The following ATN1 variants were observed in gnomAD, a reference collection of about 807,000 sequenced individuals.
ATN1 encodes atrophin 1.
ATN1 carries 19 observed loss-of-function variants against 85.8 expected under a neutral mutation model. The ratio of observed to expected loss-of-function variants is 0.22; its 90% CI spans 0.15 to 0.32. The LOEUF is 0.32. Ranked by LOEUF, ATN1 falls within the 10% of genes least tolerant of loss-of-function variation. ATN1 has a pLI of 1.00. For missense variants in ATN1, 1,453 were observed against 1,564.5 expected, an observed-to-expected ratio of 0.93 and a Z score of 1.20; for synonymous variants, 674 against 657.0, an observed-to-expected ratio of 1.03 and a Z score of -0.39.
At chr12:6,932,588 T>C (rs782341020) in intron 1 of ATN1, among the ~76,000 whole-genome samples, 5 of 152,252 alleles carry the variant, frequency 3.3e-5, no homozygotes, top group African/African-American at 1.2e-4. Flanking sequence ...TACGGATGGA[T>C]TGGCTGTGAG....
Position 6,936,728 on chromosome 12 carries a change from A to ACAGCAGCAACAGCAGCAGCAG in ATN1, c.1469_1470insACAGCAGCAGCAGCAGCAGCA (p.Gln496_Gln502dup), listed in dbSNP as rs782630098. ...ATCACCATCACCACCAGCAACAGCAACAGCAGCAGCAGCAGCAGCAGCAGC... is the reference window on the plus strand; with the variant it reads ...ATCACCATCACCACCAGCAACAGCAACAGCAGCAACAGCAGCAGCAGCAGCAGCAGCAGCAGCAGCAGCAGC... On this transcript the variant is annotated inframe_insertion, in exon 5 of 10. Transcript: ENST00000396684. 1 of 1,520,678 alleles carries ACAGCAGCAACAGCAGCAGCAG rather than the reference A, an allele frequency of 6.6e-7. No homozygotes were observed. Among genetic ancestry groups the ACAGCAGCAACAGCAGCAGCAG allele is most frequent in the African/African-American group, 1.5e-5 (1 of 68,860 alleles). 94.2% of individuals were successfully genotyped at this position (1,520,678 alleles called of 1,614,324 possible). A position where few individuals can be genotyped will look rare whatever the true frequency, so the allele number is the denominator to read the frequency against.
At chr12:6,929,770 C>T (rs1321106380) in intron 1 of ATN1, among the ~76,000 whole-genome samples, 1 of 152,226 alleles carries the variant, frequency 6.6e-6, no homozygotes, top group African/African-American at 2.4e-5. Flanking sequence ...GATGAAAACG[C>T]TTCTGTTCAG....
intron 1 of ATN1, among the ~76,000 whole-genome samples, chr12:6,931,374 T>C (rs1356382597): frequency 1.2e-5 from 1 of 85,460 alleles, no homozygotes; most frequent in South Asian, 3.9e-4. Flanking sequence ...CCAGTCTACA[T>C]AACAACTAAA....
chr12:6,937,274 C>A lies in ATN1; in HGVS notation c.2007C>A (p.Thr669=). ...PGSPPSFRTG[T]PPGYRGTSPP... Reference sequence around the variant, plus strand: ...CGCCTCCCTCCTTCCGAACGGGGACCCCACCGGGCTATCGAGGAACCTCGC... The same window carrying A: ...CGCCTCCCTCCTTCCGAACGGGGACACCACCGGGCTATCGAGGAACCTCGC... The change falls in exon 5 of 10, where the codon ACC becomes ACA. Residue 669 remains threonine (T), a synonymous_variant. Coordinates refer to ENST00000396684, the MANE Select transcript of ATN1 (RefSeq NM_001940.4). The surrounding 1 kb of genome is among the most constrained non-coding windows in gnomAD (Gnocchi z 6.0). The A allele has an allele frequency of 6.2e-7, 1 of 1,608,376 alleles. No individual in the cohort carries two copies. Among genetic ancestry groups the A allele is most frequent in the Non-Finnish European group, 8.5e-7 (1 of 1,178,282 alleles).
At position 6,937,355 on chromosome 12, in the gene ATN1, C is replaced by T. The variant is rs1555143955; in HGVS notation, c.2088C>T (p.Pro696=). 3.9e-6 allele frequency: 6 copies of T among 1,552,286 alleles called. No individual in the cohort carries two copies. The South Asian group carries it at 7.0e-5, about 18-fold the overall frequency. ...GCTCGCCCACCGTGGGACCTGGGCCCCTGCCACCTGCGGGGCCCTCAGGCC... is the reference window on the plus strand; with the variant it reads ...GCTCGCCCACCGTGGGACCTGGGCCTCTGCCACCTGCGGGGCCCTCAGGCC... ...KPGSPTVGPG[P]LPPAGPSGLP... is the part of the protein sequence containing the mutation. Residue 696 remains proline, a synonymous_variant, in exon 5 of 10, where the codon CCC becomes CCT. Transcript: ENST00000396684. The surrounding 1 kb of genome is among the most constrained non-coding windows in gnomAD (Gnocchi z 6.0).
In ATN1 at chr12:6,936,871, C is replaced by T. The variant is rs1555143826; in HGVS notation, c.1604C>T (p.Ser535Phe). 2 of 1,614,090 alleles carry T rather than the reference C, an allele frequency of 1.2e-6. No homozygotes were observed. Among genetic ancestry groups the T allele is most frequent in the African/African-American group, 1.3e-5 (1 of 75,006 alleles). Reference sequence around the variant, plus strand: ...GCACACCCTTACGCCATGTCTCCCTCCCTGGGGTCTCTGAGGCCCTACCCA... The same window carrying T: ...GCACACCCTTACGCCATGTCTCCCTTCCTGGGGTCTCTGAGGCCCTACCCA... ...HHAHPYAMSP[S>F]LGSLRPYPPG... The change falls in exon 5 of 10, where the codon TCC becomes TTC. Residue 535 changes from serine (S) to phenylalanine (F), a missense_variant. Coordinates refer to ENST00000396684, the MANE Select transcript of ATN1 (RefSeq NM_001940.4).
Position 6,934,670 on chromosome 12 carries a change from G to A in ATN1, c.279+92G>A, listed in dbSNP as rs997330942. ...CACTATTCTTAGCTGGATCTCTCCT[G>A]GGACATAAGAGAAAGGCCAGATCAT... On this transcript the variant is annotated intron_variant, in intron 4 of 9. Coordinates refer to ENST00000396684, the MANE Select transcript of ATN1 (RefSeq NM_001940.4). This position sits in a 1 kb window ranked among gnomAD's most constrained non-coding sequence, Gnocchi z 4.5. The A allele has an allele frequency of 3.1e-6, 3 of 961,544 alleles. No homozygotes were observed. In the Admixed American group the frequency reaches 6.3e-5, roughly 20 times the overall value. 59.6% of individuals were successfully genotyped at this position (961,544 alleles called of 1,614,324 possible).
In ATN1 at chr12:6,941,871, A is replaced by G; in HGVS notation, c.*91A>G. Reference sequence around the variant, plus strand: ...ACCGTGCCCTTGGCCTGCCACCCAGAGCCAAGAGGGTGCTGCTCAGTTGCA... The same window carrying G: ...ACCGTGCCCTTGGCCTGCCACCCAGGGCCAAGAGGGTGCTGCTCAGTTGCA... On this transcript the variant is annotated 3_prime_UTR_variant, in exon 10 of 10. Coordinates refer to ENST00000396684, the MANE Select transcript of ATN1 (RefSeq NM_001940.4). This position sits in a 1 kb window ranked among gnomAD's most constrained non-coding sequence, Gnocchi z 5.9. The G allele has an allele frequency of 1.5e-6, 2 of 1,333,516 alleles. No homozygotes were observed. The highest frequency in any genetic ancestry group is 2.2e-6 in the Non-Finnish European group (2 of 927,796). The allele number at this position is 1,333,516 out of a possible 1,614,324, so 82.6% of individuals were successfully genotyped here.
Position 6,936,896 on chromosome 12 carries a change from A to G in ATN1, c.1629A>G (p.Pro543=). 1 of 1,613,632 alleles carries G rather than the reference A, an allele frequency of 6.2e-7. No individual in the cohort carries two copies. Among genetic ancestry groups the G allele is most frequent in the South Asian group, 1.1e-5 (1 of 91,052 alleles). Reference sequence around the variant, plus strand: ...CCCTGGGGTCTCTGAGGCCCTACCCACCAGGGCCAGCACACCTGCCCCCAC... The same window carrying G: ...CCCTGGGGTCTCTGAGGCCCTACCCGCCAGGGCCAGCACACCTGCCCCCAC... ...SPSLGSLRPY[P]PGPAHLPPPH... Residue 543 remains proline, a synonymous_variant, in exon 5 of 10, where the codon CCA becomes CCG. Coordinates refer to ENST00000396684, the MANE Select transcript of ATN1 (RefSeq NM_001940.4).
In ATN1 at chr12:6,937,523, G is replaced by C. The variant is rs781952951; in HGVS notation, c.2256G>C (p.Lys752Asn). 6.5e-7 allele frequency: 1 copy of C among 1,534,700 alleles called. No individual in the cohort carries two copies. ...PPARSPSPPP[K>N]VVDVPSHASQ... The stretch of plus-strand genomic sequence containing the variant: ...CCCGCAGCCCCTCGCCCCCTCCCAA[G>C]GTGGTAGATGTACCCAGCCATGCCA... The change falls in exon 5 of 10, where the codon AAG (lysine) becomes AAC (asparagine). Residue 752 changes from lysine to asparagine, a missense_variant. Lys to Asn is a moderately conservative substitution (Grantham distance 94). Coordinates refer to ENST00000396684, the MANE Select transcript of ATN1 (RefSeq NM_001940.4). This position sits in a 1 kb window ranked among gnomAD's most constrained non-coding sequence, Gnocchi z 6.0.
Position 6,937,590 on chromosome 12 carries a change from C to G in ATN1, c.2294+29C>G. 6.8e-7 allele frequency: 1 copy of G among 1,467,934 alleles called. No homozygotes were observed. Among genetic ancestry groups the G allele is most frequent in the Non-Finnish European group, 9.0e-7 (1 of 1,111,136 alleles). The allele number at this position is 1,467,934 out of a possible 1,614,324, so 90.9% of individuals were successfully genotyped here. On this transcript the variant is annotated intron_variant, in intron 5 of 9. Coordinates refer to ENST00000396684, the MANE Select transcript of ATN1 (RefSeq NM_001940.4). The surrounding 1 kb of genome is among the most constrained non-coding windows in gnomAD (Gnocchi z 6.0). ...AGCGGCCAGGTGGGGCGGAGGTGGG[C>G]CTGGAAAGGGGACGACGACAAGGCG...
At chr12:6,929,827 T>A (rs782017345) in intron 1 of ATN1, among the ~76,000 whole-genome samples, 2 of 152,252 alleles carry the variant, frequency 1.3e-5, no homozygotes, top group South Asian at 2.1e-4. Context: ...CCTCCCTTAT[T>A]ATGTTATTTT....
intron 1 of ATN1, among the ~76,000 whole-genome samples, chr12:6,931,511 C>T (rs920908981): frequency 7.4e-5 from 11 of 148,678 alleles, no homozygotes; most frequent in East Asian, 2.0e-4. Flanking sequence ...GTCAGGAGTT[C>T]GAGACCAGCC....
chr12:6,941,124 G>C lies in ATN1; in HGVS notation c.3358+101G>C, dbSNP rs1945629148. On this transcript the variant is annotated intron_variant, in intron 8 of 9. Transcript: ENST00000396684. The surrounding 1 kb of genome is among the most constrained non-coding windows in gnomAD (Gnocchi z 5.9). Reference sequence around the variant, plus strand: ...CTAGTTGGGCTTGGGGAGGGATGAGGAGGTGCCTAGAGGAGCTGGGCATGG... The same window carrying C: ...CTAGTTGGGCTTGGGGAGGGATGAGCAGGTGCCTAGAGGAGCTGGGCATGG... The C allele has an allele frequency of 1.4e-6, 2 of 1,425,118 alleles. No homozygotes were observed. Among genetic ancestry groups the C allele is most frequent in the Non-Finnish European group, 1.9e-6 (2 of 1,052,528 alleles). 88.3% of individuals were successfully genotyped at this position (1,425,118 alleles called of 1,614,324 possible). A position where few individuals can be genotyped will look rare whatever the true frequency, so the allele number is the denominator to read the frequency against.
Position 6,938,503 on chromosome 12 carries a change from C to T in ATN1, c.2540C>T (p.Ala847Val). 6.2e-7 allele frequency: 1 copy of T among 1,609,856 alleles called. No individual in the cohort carries two copies. The highest frequency in any genetic ancestry group is 8.5e-7 in the Non-Finnish European group (1 of 1,176,596). The change falls in exon 7 of 10, where the codon GCT (alanine) becomes GTT (valine). Residue 847 changes from alanine to valine, a missense_variant. Ala to Val is a moderately conservative substitution (Grantham distance 64). This residue lies in a region of ATN1 where 990 missense variants were observed against 914.8 expected (regional missense o/e 1.08). Transcript: ENST00000396684. ...CAGAAGTTGGCTCAGGAGGGCCGTGCTCCGGTGGAATGCCCATCTCTGGGC... is the reference window on the plus strand; with the variant it reads ...CAGAAGTTGGCTCAGGAGGGCCGTGTTCCGGTGGAATGCCCATCTCTGGGC... ...RSVKLAQEGR[A>V]PVECPSLGPV... is the part of the protein sequence containing the mutation.
chr12:6,927,119 T>C (rs1167514005), upstream of ATN1, among the ~76,000 whole-genome samples: 1 of 150,464 alleles, frequency 6.6e-6, no homozygotes, highest in Non-Finnish European at 1.5e-5. Flanking sequence ...CTCTCCAGCA[T>C]TCCTTCATCC....
At chr12:6,940,014 G>A (rs782006255) in intron 7 of ATN1, among the ~76,000 whole-genome samples, 3 of 152,108 alleles carry the variant, frequency 2.0e-5, no homozygotes, top group African/African-American at 4.8e-5. Flanking sequence ...ACGGAGTCTC[G>A]CCCTGTCACC....
intron 1 of ATN1, among the ~76,000 whole-genome samples, chr12:6,932,034 CAAAAAAAAAAAA>C (rs34374667): frequency 1.2e-4 from 6 of 50,678 alleles, no homozygotes; most frequent in Admixed American, 2.6e-4. Flanking sequence ...AACTCTGTCT[CAAAAAAAAAAAA>C]AAAAAAAAAA....
rs189842564 is a variant in ATN1, at chr12:6,934,657, C to G, written c.279+79C>G. ...ACTTGCTTATGCTCACTATTCTTAG[C>G]TGGATCTCTCCTGGGACATAAGAGA... is the stretch of plus-strand genomic sequence containing the variant. On this transcript the variant is annotated intron_variant, in intron 4 of 9. Coordinates refer to ENST00000396684, the MANE Select transcript of ATN1 (RefSeq NM_001940.4). This position sits in a 1 kb window ranked among gnomAD's most constrained non-coding sequence, Gnocchi z 4.5. The G allele has an allele frequency of 3.5e-4, 370 of 1,057,896 alleles. 1 individual carries two copies. The East Asian group carries it at 7.4e-3, about 21-fold the overall frequency. The allele number at this position is 1,057,896 out of a possible 1,614,324, so 65.5% of individuals were successfully genotyped here.
Sources: allele counts gnomAD v4.1 joint callset (sites outside exome capture counted in the v4.1 genomes callset), GRCh38; gene constraint gnomAD v4.1.1; regional missense constraint gnomAD v4.1.1; non-coding constraint Gnocchi (gnomAD v3.1); transcripts MANE v1.5; gene names NCBI Gene and HGNC (gene_info 2026-07-23, HGNC 2026-07-21).